NR3C1: variants seen among roughly 807,000 people sequenced by gnomAD.
NR3C1 encodes glucocorticoid receptor.
NR3C1 carries 14 observed loss-of-function variants against 74.0 expected under a neutral mutation model. The observed-to-expected ratio is 0.19, with a 90% CI of 0.12 to 0.30. The LOEUF is 0.30. Ranked by LOEUF, NR3C1 falls within the 10% of genes least tolerant of loss-of-function variation. The probability of loss-of-function intolerance (pLI) is 1.00; values close to 1 mark genes in which losing one functional copy is unlikely to be tolerated. For synonymous variants in NR3C1, 308 were observed against 332.5 expected (o/e 0.93, Z 0.80); for missense variants, 695 against 909.8 (o/e 0.76, Z 3.04).
At chr5:143,373,570 C>A (rs1180897564) in intron 2 of NR3C1, among the ~76,000 whole-genome samples, 1 of 151,840 alleles carries the variant, frequency 6.6e-6, no homozygotes, top group Non-Finnish European at 1.5e-5. Context: ...ACGTAACAAA[C>A]CTGCACGTTG....
At chr5:143,285,935 A>T (rs905829679) in intron 7 of NR3C1, among the ~76,000 whole-genome samples, 2 of 151,626 alleles carry the variant, frequency 1.3e-5, no homozygotes, top group African/African-American at 4.8e-5. Context: ...CTATGAAAAC[A>T]TTGGTAAAAC....
intron 1 of NR3C1, among the ~76,000 whole-genome samples, chr5:143,429,466 T>C (rs1462259020): frequency 1.3e-5 from 2 of 152,174 alleles, no homozygotes; most frequent in African/African-American, 2.4e-5. Flanking sequence ...GGCAAGGTTA[T>C]GTAGCCATTT....
At chr5:143,375,999 T>C (rs987698514) in intron 2 of NR3C1, 5 of 152,224 alleles carry the variant, frequency 3.3e-5, no homozygotes, top group Non-Finnish European at 7.3e-5. Context: ...CTCTACATTA[T>C]ATTTTCATGA....
chr5:143,407,277 C>G (rs1600660697), upstream of NR3C1: 1 of 152,268 alleles, frequency 6.6e-6, no homozygotes, highest in East Asian at 1.9e-4. Context: ...TGTAAAATCA[C>G]TTTTACTGGG....
intron 3 of NR3C1, 106 bp downstream of exon 3, chr5:143,313,896 G>T: frequency 8.2e-7 from 1 of 1,220,518 alleles, no homozygotes; most frequent in Non-Finnish European, 1.2e-6. Flanking sequence ...CCTCTTAACT[G>T]ATATTTAGCC....
chr5:143,313,253 G>A (rs1009605879), intron 3 of NR3C1, among the ~76,000 whole-genome samples: 2 of 152,130 alleles, frequency 1.3e-5, no homozygotes, highest in African/African-American at 4.8e-5. Context: ...AATTTGCTAT[G>A]GAATGAATTT....
chr5:143,342,861 T>G (rs944483940), intron 2 of NR3C1, among the ~76,000 whole-genome samples: 16 of 152,022 alleles, frequency 1.1e-4, no homozygotes, highest in Non-Finnish European at 2.9e-5. Context: ...CCTTTAGACA[T>G]AGAGAGGTGT....
At position 143,288,439 on chromosome 5, in the gene NR3C1, GTTAA is replaced by G. The variant is rs1000106168; in HGVS notation, c.2024-5718_2024-5715del. On this transcript the variant is annotated intron_variant, in intron 7 of 8. Transcript: ENST00000394464. Reference sequence around the variant, plus strand: ...CGGCCAGAAATTGGAAATTTAAGATGTTAATTATTTTCAAATGGATCTATAGATT... The same window carrying G: ...CGGCCAGAAATTGGAAATTTAAGATGTTATTTTCAAATGGATCTATAGATT... Among the ~76,000 whole-genome samples the G allele has an allele frequency of 2.0e-5, 3 of 151,930 alleles. No homozygotes were observed. The East Asian group carries it at 5.8e-4, about 30-fold the overall frequency.
chr5:143,358,954 A>G (rs1457403940), intron 2 of NR3C1, among the ~76,000 whole-genome samples: 1 of 152,192 alleles, frequency 6.6e-6, no homozygotes, highest in African/African-American at 2.4e-5. Context: ...AAGACAGATA[A>G]AAGTTGCTAT....
At chr5:143,370,077 T>G (rs924074768) in intron 2 of NR3C1, among the ~76,000 whole-genome samples, 3 of 152,208 alleles carry the variant, frequency 2.0e-5, no homozygotes, top group African/African-American at 4.8e-5. Flanking sequence ...TTTCCAGTCC[T>G]TTAGTTTAAG....
At chr5:143,303,989 G>T (rs950972668) in intron 4 of NR3C1, among the ~76,000 whole-genome samples, 2 of 152,104 alleles carry the variant, frequency 1.3e-5, no homozygotes, top group Admixed American at 1.3e-4. Flanking sequence ...AAAGCTGGAA[G>T]CATTCCCCTT....
At chr5:143,375,712 C>T (rs1308808895) in intron 2 of NR3C1, 2 of 152,192 alleles carry the variant, frequency 1.3e-5, no homozygotes, top group Admixed American at 6.5e-5. Context: ...ACCATGCTAA[C>T]AGCAGAGAGC....
chr5:143,373,187 GTGATCTAGTTATTC>G (rs1428918328), intron 2 of NR3C1, among the ~76,000 whole-genome samples: 2 of 152,042 alleles, frequency 1.3e-5, no homozygotes, highest in Non-Finnish European at 2.9e-5. Flanking sequence ...TGTATGCCTT[GTGATCTAGTTATTC>G]AATTTCTAGG....
intron 2 of NR3C1, among the ~76,000 whole-genome samples, chr5:143,351,240 G>C (rs1830168214): frequency 6.6e-6 from 1 of 152,062 alleles, no homozygotes; most frequent in African/African-American, 2.4e-5. Context: ...GTACAGCTTA[G>C]AACAAGTCAA....
intron 3 of NR3C1, among the ~76,000 whole-genome samples, chr5:143,311,528 A>G (rs1314378037): frequency 1.3e-5 from 2 of 152,222 alleles, no homozygotes; most frequent in East Asian, 1.9e-4. Flanking sequence ...GGACAAGTCT[A>G]TCTATCTGTT....
chr5:143,424,055 AC>A (rs1751386416), intron 1 of NR3C1, among the ~76,000 whole-genome samples: 1 of 28,446 alleles, frequency 3.5e-5, no homozygotes, highest in South Asian at 1.5e-3. Context: ...CACTCTGGGG[AC>A]TGTTGTGGGG....
intron 7 of NR3C1, among the ~76,000 whole-genome samples, chr5:143,292,579 G>A (rs1816181281): frequency 6.6e-6 from 1 of 152,074 alleles, no homozygotes; most frequent in Non-Finnish European, 1.5e-5. Flanking sequence ...AATTTTTCTT[G>A]CATCTTCACC....
At chr5:143,391,900 GTGGA>G (rs1838299232) in intron 2 of NR3C1, among the ~76,000 whole-genome samples, 1 of 152,168 alleles carries the variant, frequency 6.6e-6, no homozygotes, top group African/African-American at 2.4e-5. Context: ...TTTAAGCTAA[GTGGA>G]CTTGGCAGAG....
At chr5:143,431,821 A>G (rs1751842215) in intron 1 of NR3C1, among the ~76,000 whole-genome samples, 1 of 152,220 alleles carries the variant, frequency 6.6e-6, no homozygotes, top group Admixed American at 6.5e-5. Flanking sequence ...TGGAAGAATA[A>G]TAACTCTGTA....
Sources: allele counts gnomAD v4.1 joint callset (sites outside exome capture counted in the v4.1 genomes callset), GRCh38; gene constraint gnomAD v4.1.1; transcripts MANE v1.5; gene names NCBI Gene and HGNC (gene_info 2026-07-23, HGNC 2026-07-21).